Variants in CCDC201 observed in about 807,000 individuals in gnomAD.
The protein encoded by CCDC201 is coiled-coil domain containing 201, also known as coiled-coil domain-containing protein 201.
the CCDC201 span, among the ~76,000 whole-genome samples, chr7:45,880,765 A>G: frequency 6.6e-6 from 1 of 152,172 alleles, no homozygotes; most frequent in African/African-American, 2.4e-5. Flanking sequence ...GCTCCAACTC[A>G]GTGTGTGTAG....
At chr7:45,865,093 C>T (rs1272989444) in intron 2 of CCDC201, among the ~76,000 whole-genome samples, 1 of 151,970 alleles carries the variant, frequency 6.6e-6, no homozygotes, top group Non-Finnish European at 1.5e-5. Context: ...GAAAGGGCTC[C>T]AAGACTGCTG....
At chr7:45,875,760 G>A (rs1786793724), upstream of CCDC201, among the ~76,000 whole-genome samples, 2 of 130,798 alleles carry the variant, frequency 1.5e-5, no homozygotes, top group African/African-American at 3.0e-5. Flanking sequence ...TTCCTGCTCA[G>A]GTCTCTCTTC....
At chr7:45,864,652 C>T (rs1786649408) in intron 2 of CCDC201, among the ~76,000 whole-genome samples, 1 of 152,146 alleles carries the variant, frequency 6.6e-6, no homozygotes, top group Non-Finnish European at 1.5e-5. Context: ...GAAAACTCCA[C>T]TGCAAAATCA....
upstream of CCDC201, among the ~76,000 whole-genome samples, chr7:45,874,970 T>C (rs1338067331): frequency 6.6e-6 from 1 of 152,204 alleles, no homozygotes; most frequent in Non-Finnish European, 1.5e-5. Context: ...TGGAGTGTTA[T>C]CTTTAAAAGC....
At chr7:45,883,129 CT>C in the CCDC201 span, among the ~76,000 whole-genome samples, 21 of 152,234 alleles carry the variant, frequency 1.4e-4, no homozygotes, top group African/African-American at 5.1e-4. Context: ...CCTCCCTGCT[CT>C]TGGTGCTCTG....
chr7:45,880,094 A>C, the CCDC201 span, among the ~76,000 whole-genome samples: 329 of 152,324 alleles, frequency 2.2e-3, 2 homozygotes, highest in Admixed American at 6.8e-3. Context: ...TTCACACACA[A>C]AAAAATAAAG....
chr7:45,860,317 T>C (rs1339971138), exon 3 of CCDC201: 1 of 152,236 alleles, frequency 6.6e-6, no homozygotes, highest in Non-Finnish European at 1.5e-5. Context: ...AAGGCTATTT[T>C]CACTTCTTTT....
At chr7:45,872,796 C>T (rs1400520036) in intron 1 of CCDC201, among the ~76,000 whole-genome samples, 194 bp downstream of exon 1, 3 of 152,174 alleles carry the variant, frequency 2.0e-5, no homozygotes, top group Non-Finnish European at 2.9e-5. Flanking sequence ...TGTTAGTGCC[C>T]GGCCTGCCCA....
At chr7:45,860,452 G>T (rs749750858) in exon 3 of CCDC201, 1 of 152,176 alleles carries the variant, frequency 6.6e-6, no homozygotes, top group African/African-American at 2.4e-5. Context: ...ACATGGGTTC[G>T]CATACACAGT....
upstream of CCDC201, among the ~76,000 whole-genome samples, chr7:45,878,045 C>A (rs1157766807): frequency 6.6e-6 from 1 of 152,202 alleles, no homozygotes; most frequent in Non-Finnish European, 1.5e-5. Flanking sequence ...CCATGCAAGT[C>A]TGAAACCCAG....
upstream of CCDC201, among the ~76,000 whole-genome samples, chr7:45,875,439 CAAAAAA>C (rs34636507): frequency 3.8e-5 from 4 of 104,920 alleles, no homozygotes; most frequent in African/African-American, 3.6e-5. Context: ...AGGCTTCAGT[CAAAAAA>C]AAAAAAAAAA....
At chr7:45,875,087 T>C (rs1786785224), upstream of CCDC201, among the ~76,000 whole-genome samples, 1 of 152,228 alleles carries the variant, frequency 6.6e-6, no homozygotes, top group Non-Finnish European at 1.5e-5. Context: ...TATGAACATG[T>C]GTATGTGCAT....
chr7:45,861,601 G>A (rs541517655), exon 3 of CCDC201: 1 of 152,298 alleles, frequency 6.6e-6, no homozygotes, highest in South Asian at 2.1e-4. Flanking sequence ...TTATTGATCA[G>A]GAATATTTTC....
intron 1 of CCDC201, among the ~76,000 whole-genome samples, chr7:45,868,766 G>T (rs1405675080): frequency 6.6e-6 from 1 of 152,158 alleles, no homozygotes; most frequent in Non-Finnish European, 1.5e-5. Flanking sequence ...CAGGGGAAGG[G>T]GCTGTAGCAC....
At chr7:45,867,782 A>C (rs1205919596) in intron 1 of CCDC201, among the ~76,000 whole-genome samples, 1 of 152,236 alleles carries the variant, frequency 6.6e-6, no homozygotes, top group East Asian at 1.9e-4. Flanking sequence ...CAAGGACGTC[A>C]CCACTTTGCT....
the CCDC201 span, among the ~76,000 whole-genome samples, chr7:45,882,581 C>T: frequency 6.6e-6 from 1 of 152,154 alleles, no homozygotes; most frequent in Admixed American, 6.5e-5. Flanking sequence ...TTTGTTCTTG[C>T]GGTTCCCACA....
chr7:45,883,577 T>C, the CCDC201 span, among the ~76,000 whole-genome samples: 9 of 152,120 alleles, frequency 5.9e-5, no homozygotes, highest in Non-Finnish European at 1.2e-4. Flanking sequence ...AGCACACAGT[T>C]GTGCAGTTGG....
intron 1 of CCDC201, among the ~76,000 whole-genome samples, chr7:45,867,426 G>A (rs1786690425): frequency 6.6e-6 from 1 of 152,162 alleles, no homozygotes; most frequent in Non-Finnish European, 1.5e-5. Context: ...GTCTGCTGCA[G>A]GCAATGACAT....
At chr7:45,874,140 G>A (rs1462241842), upstream of CCDC201, among the ~76,000 whole-genome samples, 3 of 152,044 alleles carry the variant, frequency 2.0e-5, no homozygotes, top group Non-Finnish European at 4.4e-5. Context: ...GGCTGGTCTC[G>A]AACTCTGCGT....
Sources: gnomAD v4.1 joint callset for allele counts (sites outside exome capture counted in the v4.1 genomes callset) on GRCh38, gnomAD v4.1.1 for gene constraint, MANE v1.5 for transcripts, NCBI Gene and HGNC (gene_info 2026-07-23, HGNC 2026-07-21) for gene names.